The following TAB1 variants were observed in gnomAD, a reference collection of about 807,000 sequenced individuals.
TAB1 encodes the protein TGF-beta activated kinase 1 (MAP3K7) binding protein 1, also known as TGF-beta-activated kinase 1 and MAP3K7-binding protein 1.
Under a neutral mutation model 54.5 loss-of-function variants are expected in TAB1, and 30 were observed. The ratio of observed to expected loss-of-function variants is 0.55; its 90% confidence interval spans 0.41 to 0.75. TAB1 has a LOEUF of 0.75. TAB1 is among the 30% of genes least tolerant of loss of function. The pLI is 0.00. For missense variants in TAB1, 609 were observed against 683.2 expected (o/e 0.89, Z 1.21); for synonymous variants, 289 against 286.9 (o/e 1.01, Z -0.07).
At chr22:39,428,263 T>C (rs1927435686) in intron 10 of TAB1, 80 bp downstream of exon 10, 2 of 997,558 alleles carry the variant, frequency 2.0e-6, no homozygotes, top group Admixed American at 2.3e-5. Context: ...GAAATGGCCA[T>C]GGGGCCAAGG....
At chr22:39,435,981 T>A (rs1972280), downstream of TAB1, among the ~76,000 whole-genome samples, 106,821 of 151,798 alleles carry the variant, frequency 0.7, 38,206 homozygotes, top group East Asian at 0.95. Flanking sequence ...CTCAGCTTTT[T>A]AAAAAAATAA....
downstream of TAB1, chr22:39,433,584 G>C: frequency 1.0e-6 from 1 of 985,448 alleles, no homozygotes; most frequent in Non-Finnish European, 1.2e-6. Context: ...CAGCACCCGT[G>C]AGCCATCCTC....
At chr22:39,410,158 A>T (rs538302730) in intron 1 of TAB1, among the ~76,000 whole-genome samples, 1 of 152,250 alleles carries the variant, frequency 6.6e-6, no homozygotes, top group East Asian at 1.9e-4. Context: ...TCCAGGCTGG[A>T]GTGCAGTGGT....
chr22:39,436,603 G>A (rs200144186), downstream of TAB1: 28 of 1,541,128 alleles, frequency 1.8e-5, no homozygotes, highest in East Asian at 2.2e-4. Context: ...GGGCCCTCTG[G>A]GAGCTGAGAT....
intron 10 of TAB1, 21 bp from the exon 11 acceptor site, chr22:39,429,994 C>T: frequency 1.2e-6 from 2 of 1,611,374 alleles, no homozygotes; most frequent in East Asian, 2.2e-5. Context: ...CTGATTGACT[C>T]CCTCCCCTGT....
chr22:39,425,686 A>G (rs1927296189), intron 8 of TAB1, among the ~76,000 whole-genome samples: 3 of 151,190 alleles, frequency 2.0e-5, no homozygotes. Flanking sequence ...AGCTGGGACT[A>G]CAGGCACCCG....
intron 1 of TAB1, among the ~76,000 whole-genome samples, chr22:39,400,373 A>G (rs1267916050): frequency 6.6e-6 from 1 of 152,216 alleles, no homozygotes; most frequent in Non-Finnish European, 1.5e-5. Context: ...GATTAAAATC[A>G]GGCAGTGTGA....
intron 8 of TAB1, 127 bp downstream of exon 8, chr22:39,422,098 G>C (rs1212873822): frequency 2.1e-6 from 2 of 943,840 alleles, no homozygotes; most frequent in Admixed American, 7.2e-5. Context: ...TTCAAAGCTG[G>C]GGGAAGGAGA....
chr22:39,436,550 G>C, downstream of TAB1: 1 of 1,613,996 alleles, frequency 6.2e-7, no homozygotes, highest in Non-Finnish European at 8.5e-7. Flanking sequence ...TAAACCTCCT[G>C]GGCAGCCTGA....
chr22:39,419,119 G>C (rs1926960363), intron 6 of TAB1, among the ~76,000 whole-genome samples: 1 of 152,212 alleles, frequency 6.6e-6, no homozygotes, highest in African/African-American at 2.4e-5. Context: ...ATGCTTCCTG[G>C]AGTGCCTGGC....
intron 7 of TAB1, among the ~76,000 whole-genome samples, chr22:39,420,819 T>G (rs866549279): frequency 5.5e-3 from 140 of 25,400 alleles, no homozygotes; most frequent in South Asian, 0.012. Flanking sequence ...GTGTGTGTGT[T>G]TGTCCTGGGG....
downstream of TAB1, chr22:39,433,797 G>A: frequency 1.0e-6 from 1 of 985,458 alleles, no homozygotes; most frequent in Middle Eastern, 5.2e-4. Context: ...ACCCGATTGT[G>A]TTGTTTGCGG....
At chr22:39,428,762 A>G (rs1372053377) in intron 10 of TAB1, among the ~76,000 whole-genome samples, 3 of 152,192 alleles carry the variant, frequency 2.0e-5, no homozygotes, top group Non-Finnish European at 4.4e-5. Context: ...CCAGCCCTGC[A>G]TGGAATGATA....
Position 39,430,632 on chromosome 22 carries a change from ATCACCTCCC to A in TAB1, c.*418_*426del. 2.1e-6 allele frequency: 2 copies of A among 967,814 alleles called. No individual in the cohort carries two copies. The highest frequency in any genetic ancestry group is 2.6e-6 in the Non-Finnish European group (2 of 781,032). 60.0% of individuals were successfully genotyped at this position (967,814 alleles called of 1,614,324 possible). On this transcript the variant is annotated 3_prime_UTR_variant, in exon 11 of 11. Transcript: ENST00000216160. ...TCCCAAGCCCACCCCTCCTCCCACC[ATCACCTCCC>A]TCACCTCGGGACAGTAGCCCTCCAC... is the stretch of plus-strand genomic sequence containing the variant.
Position 39,415,187 on chromosome 22 carries a change from G to A in TAB1, c.170+45G>A. On this transcript the variant is annotated intron_variant, in intron 2 of 10. Coordinates refer to ENST00000216160, the MANE Select transcript of TAB1 (RefSeq NM_006116.3). The surrounding 1 kb of genome is among the most constrained non-coding windows in gnomAD (Gnocchi z 4.9). ...TGTGTTGGGCCCGGGGAGTTGGTTG[G>A]TTTGCAAGCAAGGAAAGACACCGAC... 1.3e-6 allele frequency: 2 copies of A among 1,533,380 alleles called. No individual in the cohort carries two copies. Among genetic ancestry groups the A allele is most frequent in the Non-Finnish European group, 1.8e-6 (2 of 1,137,808 alleles). The allele number at this position is 1,533,380 out of a possible 1,614,324, so 95.0% of individuals were successfully genotyped here.
chr22:39,410,979 AG>A (rs1390503560), intron 1 of TAB1, among the ~76,000 whole-genome samples: 5 of 152,232 alleles, frequency 3.3e-5, no homozygotes, highest in Non-Finnish European at 7.4e-5. Flanking sequence ...TCAAGAATGT[AG>A]TATTGGTGGA....
chr22:39,431,730 G>A lies in TAB1; in HGVS notation c.*1508G>A, dbSNP rs1846721638. Reference sequence around the variant, plus strand: ...TTGAAGCCATCTCTGTTCTGCAGGTGAGAGGATTTAAAGTCAGTCACAAAG... The same window carrying A: ...TTGAAGCCATCTCTGTTCTGCAGGTAAGAGGATTTAAAGTCAGTCACAAAG... On this transcript the variant is annotated 3_prime_UTR_variant, in exon 11 of 11. Transcript: ENST00000216160. The A allele has an allele frequency of 9.1e-6, 9 of 985,494 alleles. No individual in the cohort carries two copies. The highest frequency in any genetic ancestry group is 9.6e-6 in the Non-Finnish European group (8 of 829,972). 61.0% of individuals were successfully genotyped at this position (985,494 alleles called of 1,614,324 possible).
chr22:39,433,628 C>T, downstream of TAB1: 3 of 985,384 alleles, frequency 3.0e-6, no homozygotes, highest in Non-Finnish European at 3.6e-6. Flanking sequence ...CTGGTCGTCT[C>T]ATTCTCTCAT....
chr22:39,435,495 G>A (rs527810812), downstream of TAB1, among the ~76,000 whole-genome samples: 181 of 152,308 alleles, frequency 1.2e-3, no homozygotes, highest in African/African-American at 4.1e-3. Flanking sequence ...CTGAAGGTTC[G>A]CTGGGTCCTA....
Sources: gnomAD v4.1 joint callset for allele counts (sites outside exome capture counted in the v4.1 genomes callset) on GRCh38, gnomAD v4.1.1 for gene constraint, Gnocchi (gnomAD v3.1) non-coding constraint, MANE v1.5 for transcripts, NCBI Gene and HGNC (gene_info 2026-07-23, HGNC 2026-07-21) for gene names.